Variants in EIF2AK4 observed in about 807,000 individuals in gnomAD.
EIF2AK4 encodes eukaryotic translation initiation factor 2 alpha kinase 4.
Under a neutral mutation model 211.1 loss-of-function variants are expected in EIF2AK4, and 139 were observed. That is an observed-to-expected ratio of 0.66 (90% CI 0.57 to 0.76). The LOEUF (loss-of-function observed/expected upper bound fraction) is 0.76. EIF2AK4 is among the 30% of genes least tolerant of loss of function. EIF2AK4 has a pLI of 0.00. For missense variants in EIF2AK4, 1,664 were observed against 2,043.8 expected, an observed-to-expected ratio of 0.81 and a Z score of 3.58; for synonymous variants, 710 against 751.3, an observed-to-expected ratio of 0.94 and a Z score of 0.90.
Position 39,973,145 on chromosome 15 carries a change from G to A in EIF2AK4, c.1660+131G>A, listed in dbSNP as rs943421370. ...CTTTTATTCTGAACTAAATCCATTA[G>A]TTTGATGTGTGCCATGTGCATGGGA... On this transcript the variant is annotated intron_variant, in intron 10 of 38. Coordinates refer to ENST00000263791, the MANE Select transcript of EIF2AK4 (RefSeq NM_001013703.4). 4.1e-5 allele frequency: 31 copies of A among 763,524 alleles called. No homozygotes were observed. The African/African-American group carries it at 5.1e-4, about 12-fold the overall frequency. The allele number at this position is 763,524 out of a possible 1,614,324, so 47.3% of individuals were successfully genotyped here.
intron 32 of EIF2AK4, 55 bp downstream of exon 32, chr15:40,022,660 A>AGGTGCT: frequency 6.6e-7 from 1 of 1,511,854 alleles, no homozygotes; most frequent in Non-Finnish European, 9.2e-7. Context: ...CCTGTGGAGC[A>AGGTGCT]CCTGCCTTCA....
intron 21 of EIF2AK4, 25 bp from the exon 22 acceptor site, chr15:40,002,688 G>C (rs778915396): frequency 6.2e-7 from 1 of 1,612,492 alleles, no homozygotes; most frequent in Non-Finnish European, 8.5e-7. Context: ...CTTCAATGAT[G>C]ATGTTTTAAT....
At chr15:39,945,430 C>T (rs1487747396) in intron 3 of EIF2AK4, among the ~76,000 whole-genome samples, 1 of 152,220 alleles carries the variant, frequency 6.6e-6, no homozygotes, top group Non-Finnish European at 1.5e-5. Context: ...CCCTAACTCT[C>T]TTCAATTCTG....
At chr15:40,028,565 C>T (rs117993881) in intron 33 of EIF2AK4, among the ~76,000 whole-genome samples, 1 of 152,092 alleles carries the variant, frequency 6.6e-6, no homozygotes, top group East Asian at 1.9e-4. Flanking sequence ...AATTTTCTGG[C>T]CTAAAATTTC....
intron 16 of EIF2AK4, chr15:39,991,740 C>A: frequency 6.2e-6 from 1 of 160,094 alleles, no homozygotes; most frequent in Non-Finnish European, 1.4e-5. Flanking sequence ...TAGCCATGAG[C>A]GAGGGTGGAA....
intron 23 of EIF2AK4, 116 bp downstream of exon 23, chr15:40,003,430 T>G: frequency 6.8e-7 from 1 of 1,462,272 alleles, no homozygotes; most frequent in Non-Finnish European, 9.1e-7. Context: ...CTTTGGGAAA[T>G]GTATTCTTGA....
chr15:40,000,919 A>G, intron 20 of EIF2AK4, 69 bp from the exon 21 acceptor site: 1 of 1,500,228 alleles, frequency 6.7e-7, no homozygotes, highest in South Asian at 1.2e-5. Context: ...CTGACTACTG[A>G]CTTGTCCGGA....
intron 18 of EIF2AK4, among the ~76,000 whole-genome samples, chr15:39,994,648 G>C: frequency 6.6e-6 from 1 of 152,150 alleles, no homozygotes; most frequent in East Asian, 1.9e-4. Context: ...CATTAGGAAA[G>C]CAATTTGCAT....
intron 23 of EIF2AK4, among the ~76,000 whole-genome samples, chr15:40,003,518 A>G (rs546433925): frequency 6.6e-6 from 1 of 152,330 alleles, no homozygotes; most frequent in East Asian, 1.9e-4. Flanking sequence ...CTAATAGCTC[A>G]GGTGTTTATG....
At chr15:39,936,318 A>T (rs1314097520) in intron 1 of EIF2AK4, among the ~76,000 whole-genome samples, 1 of 152,224 alleles carries the variant, frequency 6.6e-6, no homozygotes, top group African/African-American at 2.4e-5. Context: ...CAAATAATTG[A>T]TGGTCTCAAG....
intron 33 of EIF2AK4, among the ~76,000 whole-genome samples, chr15:40,027,082 A>G (rs1189706008): frequency 1.3e-5 from 2 of 152,334 alleles, no homozygotes; most frequent in East Asian, 1.9e-4. Flanking sequence ...AAAAATAACA[A>G]TAACCCCATT....
intron 7 of EIF2AK4, 112 bp downstream of exon 7, chr15:39,962,011 C>A: frequency 1.4e-6 from 1 of 715,530 alleles, no homozygotes; most frequent in Non-Finnish European, 2.3e-6. Flanking sequence ...CCAAGGAAGA[C>A]CATCAAGCTG....
At chr15:39,960,755 G>A (rs959487142) in intron 6 of EIF2AK4, among the ~76,000 whole-genome samples, 2 of 152,134 alleles carry the variant, frequency 1.3e-5, no homozygotes, top group Non-Finnish European at 1.5e-5. Flanking sequence ...AGATCCCAGA[G>A]GAGACCTTTG....
At chr15:39,965,516 A>G (rs888870388) in intron 7 of EIF2AK4, among the ~76,000 whole-genome samples, 170 bp from the exon 8 acceptor site, 2 of 152,212 alleles carry the variant, frequency 1.3e-5, no homozygotes, top group Non-Finnish European at 2.9e-5. Flanking sequence ...GTATATTGCT[A>G]AATATCAAAA....
intron 3 of EIF2AK4, among the ~76,000 whole-genome samples, chr15:39,945,602 T>C (rs1036527950): frequency 1.3e-5 from 2 of 151,564 alleles, no homozygotes; most frequent in African/African-American, 4.8e-5. Flanking sequence ...CGGAAAAACC[T>C]AAGATAATTG....
Position 40,003,332 on chromosome 15 carries a change from C to T in EIF2AK4, c.3357+18C>T. 5 of 1,613,440 alleles carry T rather than the reference C, an allele frequency of 3.1e-6. No homozygotes were observed. Among genetic ancestry groups the T allele is most frequent in the African/African-American group, 1.3e-5 (1 of 75,024 alleles). On this transcript the variant is annotated intron_variant, in intron 23 of 38. Coordinates refer to ENST00000263791, the MANE Select transcript of EIF2AK4 (RefSeq NM_001013703.4). Reference sequence around the variant, plus strand: ...ACCTGCGGGTGAGGCTGGGAACACACTGCTGACAATCAGAATGCTGTATCT... The same window carrying T: ...ACCTGCGGGTGAGGCTGGGAACACATTGCTGACAATCAGAATGCTGTATCT...
At chr15:39,955,526 A>C in intron 5 of EIF2AK4, 94 bp from the exon 6 acceptor site, 1 of 1,306,760 alleles carries the variant, frequency 7.7e-7, no homozygotes, top group Non-Finnish European at 1.0e-6. Flanking sequence ...TTCAGCTTAA[A>C]ATTTGCATTC....
chr15:39,969,156 A>G (rs1283513997), intron 9 of EIF2AK4, among the ~76,000 whole-genome samples: 1 of 152,032 alleles, frequency 6.6e-6, no homozygotes, highest in Non-Finnish European at 1.5e-5. Flanking sequence ...TTCTTCATTG[A>G]TGAAGAGTAA....
chr15:40,006,771 A>G (rs1756356398), intron 23 of EIF2AK4, among the ~76,000 whole-genome samples: 1 of 152,240 alleles, frequency 6.6e-6, no homozygotes, highest in African/African-American at 2.4e-5. Flanking sequence ...AACCTAAGAA[A>G]TGCCACAGTG....
Sources: gnomAD v4.1 joint callset for allele counts (sites outside exome capture counted in the v4.1 genomes callset) on GRCh38, gnomAD v4.1.1 for gene constraint, MANE v1.5 for transcripts, NCBI Gene and HGNC (gene_info 2026-07-23, HGNC 2026-07-21) for gene names.